RAPGEF2: variants seen among roughly 807,000 people sequenced by gnomAD.
RAPGEF2 encodes Rap guanine nucleotide exchange factor 2.
In RAPGEF2, 54 loss-of-function variants were observed where a neutral mutation model predicts 186.7. The ratio of observed to expected loss-of-function variants is 0.29; its 90% CI spans 0.23 to 0.36. The LOEUF is 0.36. Ranked by LOEUF, RAPGEF2 falls within the 10% of genes least tolerant of loss-of-function variation. RAPGEF2 has a pLI of 1.00. For missense variants in RAPGEF2, 1,532 were observed against 2,045.0 expected (o/e 0.75, Z 4.84); for synonymous variants, 712 against 705.9 (o/e 1.01, Z -0.14).
At chr4:159,315,518 A>G (rs778942177) in intron 9 of RAPGEF2, among the ~76,000 whole-genome samples, 19 of 152,294 alleles carry the variant, frequency 1.2e-4, no homozygotes, top group Non-Finnish European at 2.2e-4. Flanking sequence ...GAGATAAAAG[A>G]AAAGGCATTT....
At chr4:159,332,321 C>A in intron 16 of RAPGEF2, 130 bp from the exon 17 acceptor site, 1 of 950,840 alleles carries the variant, frequency 1.1e-6, no homozygotes, top group Non-Finnish European at 1.6e-6. Flanking sequence ...TACTGTTTTT[C>A]TGCAGGTTTG....
intron 25 of RAPGEF2, among the ~76,000 whole-genome samples, chr4:159,349,444 T>A (rs1730858021): frequency 6.6e-6 from 1 of 152,174 alleles, no homozygotes; most frequent in South Asian, 2.1e-4. Context: ...TACATTGACA[T>A]GTAGAATAAT....
At chr4:159,248,867 G>T (rs935951714) in intron 7 of RAPGEF2, among the ~76,000 whole-genome samples, 13 of 152,204 alleles carry the variant, frequency 8.5e-5, no homozygotes, top group Non-Finnish European at 5.9e-5. Context: ...TTCAGCTTCT[G>T]TTGAAGGATG....
chr4:159,284,424 G>A (rs1260420039), intron 7 of RAPGEF2, among the ~76,000 whole-genome samples: 1 of 151,424 alleles, frequency 6.6e-6, no homozygotes, highest in African/African-American at 2.4e-5. Flanking sequence ...GGATCATGGA[G>A]AAGTCAGGTT....
At chr4:159,104,310 T>G in intron 1 of RAPGEF2, 79 bp downstream of exon 1, 4 of 514,088 alleles carry the variant, frequency 7.8e-6, no homozygotes, top group Non-Finnish European at 1.2e-5. Flanking sequence ...CCCACCTCCT[T>G]CCTGACACAG....
At chr4:159,319,359 C>T (rs1764971813) in intron 9 of RAPGEF2, among the ~76,000 whole-genome samples, 1 of 151,946 alleles carries the variant, frequency 6.6e-6, no homozygotes, top group Non-Finnish European at 1.5e-5. Flanking sequence ...TTGTGCACTC[C>T]CTATGAGACT....
intron 1 of RAPGEF2, among the ~76,000 whole-genome samples, chr4:159,160,573 A>C (rs1215615257): frequency 6.6e-6 from 1 of 152,262 alleles, no homozygotes; most frequent in East Asian, 1.9e-4. Flanking sequence ...AAGAAAGTCA[A>C]CTTCAAACTA....
At chr4:159,338,539 T>C in intron 18 of RAPGEF2, 71 bp downstream of exon 18, 2 of 1,390,208 alleles carry the variant, frequency 1.4e-6, no homozygotes, top group South Asian at 1.4e-5. Context: ...GGTCATATTA[T>C]ATGTATCTCT....
chr4:159,210,929 A>G (rs1750459452), intron 4 of RAPGEF2, among the ~76,000 whole-genome samples: 1 of 152,232 alleles, frequency 6.6e-6, no homozygotes. Flanking sequence ...AGGCAGTCTC[A>G]TAAACATCTA....
intron 1 of RAPGEF2, among the ~76,000 whole-genome samples, chr4:159,118,487 C>CCCA (rs1395647448): frequency 1.5e-4 from 21 of 143,602 alleles, no homozygotes; most frequent in African/African-American, 5.3e-4. Flanking sequence ...TCATCCTGCA[C>CCCA]CCCCCCGCCC....
intron 1 of RAPGEF2, among the ~76,000 whole-genome samples, chr4:159,111,157 G>T (rs945998922): frequency 2.0e-5 from 3 of 152,158 alleles, no homozygotes; most frequent in African/African-American, 7.2e-5. Context: ...TTGGTGCGGT[G>T]GTGGTGGGTT....
Position 159,329,846 on chromosome 4 carries a change from G to A in RAPGEF2, c.1150-12G>A. 1 of 1,606,070 alleles carries A rather than the reference G, an allele frequency of 6.2e-7. No individual in the cohort carries two copies. The highest frequency in any genetic ancestry group is 1.1e-5 in the South Asian group (1 of 90,222). On this transcript the variant is annotated splice_polypyrimidine_tract_variant and intron_variant, in intron 11 of 29. Coordinates refer to ENST00000691494, the MANE Select transcript of RAPGEF2 (RefSeq NM_001394067.2). ...ACTTTATCATTAACATGTGACTTATGTTTTATTCCAGTTTGTCTGCATAGC... is the reference window on the plus strand; with the variant it reads ...ACTTTATCATTAACATGTGACTTATATTTTATTCCAGTTTGTCTGCATAGC...
chr4:159,212,562 T>C (rs986477310), intron 4 of RAPGEF2, among the ~76,000 whole-genome samples: 5 of 152,188 alleles, frequency 3.3e-5, no homozygotes, highest in African/African-American at 1.2e-4. Context: ...TTAAAGAATA[T>C]ATGTGTTGCC....
At chr4:159,165,231 A>T (rs904440307) in intron 1 of RAPGEF2, among the ~76,000 whole-genome samples, 6 of 152,236 alleles carry the variant, frequency 3.9e-5, no homozygotes, top group African/African-American at 1.4e-4. Flanking sequence ...TTAAATGATG[A>T]CTCATTACAA....
chr4:159,180,596 A>G (rs890018796), intron 1 of RAPGEF2, among the ~76,000 whole-genome samples: 2 of 152,238 alleles, frequency 1.3e-5, no homozygotes, highest in Admixed American at 1.3e-4. Context: ...GCAATAGAAG[A>G]AACCCTGAAT....
chr4:159,237,842 TAAAAAAA>T (rs58593781), intron 4 of RAPGEF2, among the ~76,000 whole-genome samples: 14,345 of 66,696 alleles, frequency 0.22, 760 homozygotes, highest in Middle Eastern at 0.3. Context: ...CTACAAAAAT[TAAAAAAA>T]AAAAAAAAAA....
At chr4:159,318,479 T>C (rs1764865551) in intron 9 of RAPGEF2, among the ~76,000 whole-genome samples, 1 of 152,202 alleles carries the variant, frequency 6.6e-6, no homozygotes, top group Admixed American at 6.6e-5. Flanking sequence ...TGCATGAGTG[T>C]TTAAGGTGAA....
intron 7 of RAPGEF2, among the ~76,000 whole-genome samples, chr4:159,256,747 G>A (rs1756213762): frequency 6.6e-6 from 1 of 152,210 alleles, no homozygotes; most frequent in Non-Finnish European, 1.5e-5. Flanking sequence ...TCTGATTGGT[G>A]TGAGATGGTA....
At chr4:159,224,455 T>C (rs1751821723) in intron 4 of RAPGEF2, among the ~76,000 whole-genome samples, 1 of 152,188 alleles carries the variant, frequency 6.6e-6, no homozygotes, top group Non-Finnish European at 1.5e-5. Flanking sequence ...GCAATAAAGA[T>C]GGTTTGAAGA....
Sources: gnomAD v4.1 joint callset for allele counts (sites outside exome capture counted in the v4.1 genomes callset) on GRCh38, gnomAD v4.1.1 for gene constraint, MANE v1.5 for transcripts, NCBI Gene and HGNC (gene_info 2026-07-23, HGNC 2026-07-21) for gene names.